Variants in XPR1 observed in about 807,000 individuals in gnomAD.
XPR1 encodes xenotropic and polytropic retrovirus receptor 1, also known as solute carrier family 53 member 1.
In XPR1, 28 loss-of-function variants were observed where a neutral mutation model predicts 87.5. The observed-to-expected ratio is 0.32, with a 90% CI of 0.24 to 0.44. The LOEUF is 0.44. Ranked by LOEUF, XPR1 falls within the 20% of genes least tolerant of loss-of-function variation. The pLI is 1.00. For missense variants in XPR1, 559 were observed against 862.3 expected, an observed-to-expected ratio of 0.65 and a Z score of 4.41; for synonymous variants, 300 against 306.1, an observed-to-expected ratio of 0.98 and a Z score of 0.21.
At chr1:180,808,269 C>A in intron 6 of XPR1, among the ~76,000 whole-genome samples, 1 of 148,378 alleles carries the variant, frequency 6.7e-6, no homozygotes. Context: ...GATGCTGAAA[C>A]AGTTGAATTC....
chr1:180,874,476 G>C (rs1302970470), intron 13 of XPR1, among the ~76,000 whole-genome samples: 1 of 152,060 alleles, frequency 6.6e-6, no homozygotes, highest in African/African-American at 2.4e-5. Flanking sequence ...GATCACCTGA[G>C]GTCAGGAGTT....
Position 180,884,926 on chromosome 1 carries a change from C to T in XPR1, c.*860C>T, listed in dbSNP as rs1164936814. 6.6e-6 allele frequency: 1 copy of T among 152,278 alleles called. No homozygotes were observed. Among genetic ancestry groups the T allele is most frequent in the Non-Finnish European group, 1.5e-5 (1 of 68,032 alleles). 9.4% of individuals were successfully genotyped at this position (152,278 alleles called of 1,614,324 possible). ...TGCTGCTTTAGAGTCCTGAGCATAT[C>T]TCTCATAACAAGGAATCCCACACTT... On this transcript the variant is annotated 3_prime_UTR_variant, in exon 15 of 15. Coordinates refer to ENST00000367590, the MANE Select transcript of XPR1 (RefSeq NM_004736.4).
intron 1 of XPR1, among the ~76,000 whole-genome samples, chr1:180,633,490 A>G (rs1654662602): frequency 6.6e-6 from 1 of 152,240 alleles, no homozygotes; most frequent in African/African-American, 2.4e-5. Flanking sequence ...CAGTGAGTGT[A>G]TTTATTCATA....
At chr1:180,660,966 T>C (rs541524645) in intron 1 of XPR1, among the ~76,000 whole-genome samples, 8 of 152,336 alleles carry the variant, frequency 5.3e-5, no homozygotes, top group Non-Finnish European at 1.0e-4. Flanking sequence ...CAGTTCTTAC[T>C]GTACTGGAGT....
At chr1:180,841,597 C>A (rs901518037) in intron 11 of XPR1, among the ~76,000 whole-genome samples, 2 of 152,140 alleles carry the variant, frequency 1.3e-5, no homozygotes, top group Middle Eastern at 3.4e-3. Context: ...TAAAGAGAAA[C>A]CCTTAATGAT....
At chr1:180,717,929 C>T (rs924070398) in intron 2 of XPR1, among the ~76,000 whole-genome samples, 3 of 151,674 alleles carry the variant, frequency 2.0e-5, no homozygotes, top group Non-Finnish European at 2.9e-5. Context: ...TGCACCAACC[C>T]AATAGTTACA....
intron 9 of XPR1, among the ~76,000 whole-genome samples, chr1:180,825,910 G>T (rs1650815731): frequency 6.6e-6 from 1 of 152,118 alleles, no homozygotes; most frequent in Admixed American, 6.6e-5. Context: ...ATTAGCTGGG[G>T]GTGGTGGCCC....
chr1:180,732,379 A>C (rs1658585858), intron 2 of XPR1, among the ~76,000 whole-genome samples: 2 of 152,130 alleles, frequency 1.3e-5, no homozygotes, highest in Non-Finnish European at 1.5e-5. Flanking sequence ...GATTTTTCAG[A>C]AGCTCATGTA....
chr1:180,739,477 A>G (rs767671300), intron 2 of XPR1, among the ~76,000 whole-genome samples: 1 of 152,190 alleles, frequency 6.6e-6, no homozygotes, highest in Non-Finnish European at 1.5e-5. Context: ...TATTTCTGGC[A>G]TATCAATTAG....
chr1:180,774,784 G>A (rs958059469), intron 2 of XPR1, among the ~76,000 whole-genome samples: 6 of 152,036 alleles, frequency 3.9e-5, no homozygotes, highest in Non-Finnish European at 7.4e-5. Flanking sequence ...ATATGTCTTA[G>A]TCCATCCTTT....
intron 7 of XPR1, among the ~76,000 whole-genome samples, chr1:180,821,826 T>G (rs1412357313): frequency 3.3e-5 from 5 of 152,238 alleles, no homozygotes; most frequent in Admixed American, 2.0e-4. Context: ...AATTTCATTT[T>G]CAGATTGCTC....
chr1:180,804,467 G>A (rs1005107823), intron 4 of XPR1, among the ~76,000 whole-genome samples: 1 of 152,070 alleles, frequency 6.6e-6, no homozygotes, highest in Non-Finnish European at 1.5e-5. Flanking sequence ...ATTGAGAAAA[G>A]CATCTATCTA....
intron 11 of XPR1, among the ~76,000 whole-genome samples, chr1:180,859,851 G>A (rs190245547): frequency 2.3e-3 from 354 of 152,134 alleles, no homozygotes; most frequent in Admixed American, 3.8e-3. Flanking sequence ...AATCAAAATT[G>A]TCTTAATCAA....
intron 2 of XPR1, among the ~76,000 whole-genome samples, chr1:180,778,728 GTTTGATCGT>G: frequency 6.6e-6 from 1 of 152,130 alleles, no homozygotes; most frequent in Non-Finnish European, 1.5e-5. Flanking sequence ...AAAAAAATCA[GTTTGATCGT>G]GCTTTATACT....
intron 2 of XPR1, among the ~76,000 whole-genome samples, chr1:180,731,610 G>A (rs1658558540): frequency 6.6e-6 from 1 of 152,208 alleles, no homozygotes; most frequent in East Asian, 1.9e-4. Context: ...CAAAAGAACA[G>A]TCTGTGGGAG....
At chr1:180,646,830 C>T (rs892748630) in intron 1 of XPR1, among the ~76,000 whole-genome samples, 3 of 152,170 alleles carry the variant, frequency 2.0e-5, no homozygotes, top group African/African-American at 7.2e-5. Context: ...GTGTTGGATT[C>T]TGACTTAAAG....
At position 180,785,556 on chromosome 1, in the gene XPR1, GTT is replaced by G. The variant is rs1649108936; in HGVS notation, c.122-2195_122-2194del. 2.6e-5 allele frequency among the ~76,000 whole-genome samples: 4 copies of G among 152,140 alleles called. No homozygotes were observed. The South Asian group carries it at 8.3e-4, about 32-fold the overall frequency. The stretch of plus-strand genomic sequence containing the variant: ...ACACATGAAGTTTATGTATATTTTA[GTT>G]TCTCAGAGGCCTGGATTTTTTGTTT... On this transcript the variant is annotated intron_variant, in intron 2 of 14. Coordinates refer to ENST00000367590, the MANE Select transcript of XPR1 (RefSeq NM_004736.4).
intron 1 of XPR1, among the ~76,000 whole-genome samples, chr1:180,665,601 A>G (rs558336967): frequency 6.6e-6 from 1 of 152,218 alleles, no homozygotes; most frequent in South Asian, 2.1e-4. Flanking sequence ...TGCTCCTTCC[A>G]TGGGTGCTGG....
chr1:180,792,719 C>G (rs879782183), intron 3 of XPR1, among the ~76,000 whole-genome samples: 1 of 152,074 alleles, frequency 6.6e-6, no homozygotes, highest in Non-Finnish European at 1.5e-5. Context: ...TCTTAGTTCT[C>G]TTCTGTCACT....
Sources: gnomAD v4.1 joint callset for allele counts (sites outside exome capture counted in the v4.1 genomes callset) on GRCh38, gnomAD v4.1.1 for gene constraint, MANE v1.5 for transcripts, NCBI Gene and HGNC (gene_info 2026-07-23, HGNC 2026-07-21) for gene names.